The following NEK7 variants were observed in gnomAD, a reference collection of about 807,000 sequenced individuals.
The protein encoded by NEK7 is serine/threonine-protein kinase Nek7.
A neutral mutation model predicts 44.6 loss-of-function variants in NEK7; 18 were observed. That is an observed-to-expected ratio of 0.40 (90% CI 0.28 to 0.60). The LOEUF is 0.60. Among genes scored for constraint, NEK7 ranks in the 20% least tolerant of loss-of-function variants. The pLI is 0.38. For synonymous variants in NEK7, 130 were observed against 121.1 expected (o/e 1.07, Z -0.48); for missense variants, 256 against 366.5 (o/e 0.70, Z 2.46).
rs529152066 is a variant in NEK7 at position 198,226,544 on chromosome 1, C to CA, written c.-28-5996dup. The stretch of plus-strand genomic sequence containing the variant: ...TGGGCGACACAGCGATATTGCGTCT[C>CA]AAAAAAAAAAAAACCCACTTACACA... On this transcript the variant is annotated intron_variant, in intron 1 of 9. Transcript: ENST00000367385. 2.8e-3 allele frequency among the ~76,000 whole-genome samples: 356 copies of CA among 127,966 alleles called. 1 individual carries two copies. Among genetic ancestry groups the CA allele is most frequent in the Middle Eastern group, 8.0e-3 (2 of 250 alleles). 84.0% of individuals were successfully genotyped at this position (127,966 alleles called of 152,430 possible). A position where few individuals can be genotyped will look rare whatever the true frequency, so the allele number is the denominator to read the frequency against.
intron 1 of NEK7, among the ~76,000 whole-genome samples, chr1:198,181,360 T>C (rs1664763092): frequency 6.6e-6 from 1 of 152,116 alleles, no homozygotes; most frequent in Admixed American, 6.6e-5. Flanking sequence ...GGCTCTGCTC[T>C]GGGAGGTAAC....
chr1:198,308,783 C>T (rs1220447635), intron 9 of NEK7, among the ~76,000 whole-genome samples: 1 of 152,210 alleles, frequency 6.6e-6, no homozygotes, highest in Non-Finnish European at 1.5e-5. Flanking sequence ...TGCTTTCACA[C>T]ACATCATACT....
chr1:198,292,911 T>C, intron 7 of NEK7, 34 bp from the exon 8 acceptor site: 1 of 1,113,766 alleles, frequency 9.0e-7, no homozygotes, highest in Non-Finnish European at 1.4e-6. Flanking sequence ...TATTTTTATA[T>C]ACCTCTTACT....
chr1:198,204,580 A>G (rs536051332), intron 1 of NEK7, among the ~76,000 whole-genome samples: 13 of 151,990 alleles, frequency 8.6e-5, no homozygotes, highest in Admixed American at 1.3e-4. Flanking sequence ...TTAGCCGGGC[A>G]AGGTGGTGGG....
chr1:198,321,625 C>A lies in NEK7; in HGVS notation c.*2103C>A, dbSNP rs981700878. The A allele has an allele frequency of 4.6e-5, 7 of 151,982 alleles. No homozygotes were observed. Among genetic ancestry groups the A allele is most frequent in the Non-Finnish European group, 7.4e-5 (5 of 67,942 alleles). The allele number at this position is 151,982 out of a possible 1,614,324, so 9.4% of individuals were successfully genotyped here. On this transcript the variant is annotated 3_prime_UTR_variant, in exon 10 of 10. Coordinates refer to ENST00000367385, the MANE Select transcript of NEK7 (RefSeq NM_133494.3). ...AAATAGCTGGGAAGAATTTAATGAT[C>A]AGGGAAATTCATTATTTCTATATGT...
chr1:198,248,851 G>A (rs1193823157), intron 2 of NEK7, among the ~76,000 whole-genome samples: 1 of 151,472 alleles, frequency 6.6e-6, no homozygotes, highest in Non-Finnish European at 1.5e-5. Context: ...TTTTTTGTGT[G>A]TGTGGGTTCT....
intron 1 of NEK7, among the ~76,000 whole-genome samples, chr1:198,195,441 T>C (rs1366348999): frequency 3.9e-5 from 6 of 152,204 alleles, no homozygotes; most frequent in Non-Finnish European, 7.3e-5. Context: ...TTTAACCATA[T>C]ATCCCCCATT....
intron 2 of NEK7, among the ~76,000 whole-genome samples, chr1:198,241,007 T>C (rs1666670617): frequency 1.3e-5 from 2 of 152,230 alleles, no homozygotes; most frequent in Admixed American, 1.3e-4. Context: ...CCAATAATTT[T>C]TATACAATTC....
At chr1:198,267,454 AT>A (rs965043939) in intron 5 of NEK7, among the ~76,000 whole-genome samples, 9 of 151,782 alleles carry the variant, frequency 5.9e-5, no homozygotes, top group African/African-American at 2.2e-4. Flanking sequence ...TATTTAATTA[AT>A]TTTTTTGAGA....
At chr1:198,293,115 T>C in intron 8 of NEK7, 76 bp downstream of exon 8, 1 of 740,512 alleles carries the variant, frequency 1.4e-6, no homozygotes, top group Non-Finnish European at 2.2e-6. Context: ...TAGTATATAC[T>C]TACTTTTTTC....
At chr1:198,269,067 A>G (rs1176105654) in intron 5 of NEK7, among the ~76,000 whole-genome samples, 2 of 152,074 alleles carry the variant, frequency 1.3e-5, no homozygotes, top group Admixed American at 6.6e-5. Context: ...TCATGTATTC[A>G]TGTGTGTAAT....
chr1:198,262,867 A>C (rs1437989494), intron 4 of NEK7, among the ~76,000 whole-genome samples: 1 of 151,822 alleles, frequency 6.6e-6, no homozygotes, highest in African/African-American at 2.4e-5. Flanking sequence ...TCTCATTTCA[A>C]AGTAGGAAAT....
intron 7 of NEK7, among the ~76,000 whole-genome samples, chr1:198,284,587 G>A (rs924266659): frequency 6.6e-6 from 1 of 152,076 alleles, no homozygotes; most frequent in African/African-American, 2.4e-5. Context: ...ATTGGAACAC[G>A]GCAATCAAGT....
chr1:198,254,159 A>G (rs540271725), intron 3 of NEK7, among the ~76,000 whole-genome samples: 2 of 152,212 alleles, frequency 1.3e-5, no homozygotes, highest in East Asian at 3.9e-4. Context: ...TAAAAATGAA[A>G]CTAATGATTT....
chr1:198,311,774 C>T (rs1238248036), intron 9 of NEK7, among the ~76,000 whole-genome samples: 1 of 152,182 alleles, frequency 6.6e-6, no homozygotes, highest in African/African-American at 2.4e-5. Context: ...AGCCTTGCAT[C>T]CCAGGGATGA....
At chr1:198,175,784 T>G (rs535253965) in intron 1 of NEK7, among the ~76,000 whole-genome samples, 2 of 152,336 alleles carry the variant, frequency 1.3e-5, no homozygotes, top group African/African-American at 2.4e-5. Context: ...TAAGTATCAT[T>G]TGTCTTTCAC....
At chr1:198,230,391 C>A (rs1666350757) in intron 1 of NEK7, among the ~76,000 whole-genome samples, 2 of 151,800 alleles carry the variant, frequency 1.3e-5, no homozygotes, top group Admixed American at 1.3e-4. Context: ...AAAATTGAAT[C>A]AATATAATTC....
intron 3 of NEK7, chr1:198,256,626 A>G (rs1653275291): frequency 9.8e-7 from 1 of 1,018,712 alleles, no homozygotes; most frequent in Non-Finnish European, 1.4e-6. Flanking sequence ...TTGGCCACCT[A>G]GTGTTTATTG....
In NEK7 at chr1:198,187,600, AT is replaced by A. The variant is rs148945056; in HGVS notation, c.-29+30326del. Among the ~76,000 whole-genome samples, 647 of 152,292 alleles carry A rather than the reference AT, an allele frequency of 4.2e-3. 7 individuals carry two copies. Among genetic ancestry groups the A allele is most frequent in the African/African-American group, 0.015 (610 of 41,570 alleles). On this transcript the variant is annotated intron_variant, in intron 1 of 9. Coordinates refer to ENST00000367385, the MANE Select transcript of NEK7 (RefSeq NM_133494.3). ...TATCCAAGATGGCATACCAGGTGTCATTAGTTTGTGCAGTTGATTCAGTCAT... is the reference window on the plus strand; with the variant it reads ...TATCCAAGATGGCATACCAGGTGTCATAGTTTGTGCAGTTGATTCAGTCAT...
Sources: allele counts gnomAD v4.1 joint callset (sites outside exome capture counted in the v4.1 genomes callset), GRCh38; gene constraint gnomAD v4.1.1; transcripts MANE v1.5; gene names NCBI Gene and HGNC (gene_info 2026-07-23, HGNC 2026-07-21).